Variants in XPNPEP3 observed in about 807,000 individuals in gnomAD.
XPNPEP3 encodes X-prolyl aminopeptidase 3.
Under a neutral mutation model 60.0 loss-of-function variants are expected in XPNPEP3, and 41 were observed. The observed-to-expected ratio is 0.68, with a 90% CI of 0.53 to 0.89. XPNPEP3 has a LOEUF of 0.89. XPNPEP3 is among the 40% of genes least tolerant of loss of function. The pLI is 0.00. For missense variants in XPNPEP3, 598 were observed against 638.9 expected (o/e 0.94, Z 0.69); for synonymous variants, 212 against 223.2 (o/e 0.95, Z 0.45).
At chr22:40,862,066 G>C (rs2057953437) in intron 1 of XPNPEP3, 1 of 1,524,106 alleles carries the variant, frequency 6.6e-7, no homozygotes, top group Non-Finnish European at 8.7e-7. Context: ...AGGCTCTGCT[G>C]GTGGTGGTGA....
At chr22:40,922,575 C>G (rs1360526424) in intron 8 of XPNPEP3, 62 bp downstream of exon 8, 3 of 1,564,398 alleles carry the variant, frequency 1.9e-6, no homozygotes, top group Admixed American at 3.4e-5. Context: ...GGTTTTTACC[C>G]TATATAAAGC....
intron 6 of XPNPEP3, 148 bp downstream of exon 6, chr22:40,909,383 A>G: frequency 1.4e-6 from 1 of 710,934 alleles, no homozygotes; most frequent in South Asian, 1.6e-5. Context: ...TTTTACAGAC[A>G]TTATCTCATT....
intron 4 of XPNPEP3, among the ~76,000 whole-genome samples, chr22:40,898,133 T>A (rs894605975): frequency 5.9e-5 from 9 of 151,266 alleles, no homozygotes; most frequent in African/African-American, 2.2e-4. Context: ...TGGTGTCATA[T>A]CCAAGAAAAT....
chr22:40,908,000 G>A (rs989680799), intron 5 of XPNPEP3, among the ~76,000 whole-genome samples: 1 of 152,142 alleles, frequency 6.6e-6, no homozygotes, highest in Non-Finnish European at 1.5e-5. Context: ...GATCACTTCA[G>A]GCCAGGAGTT....
At position 40,922,272 on chromosome 22, in the gene XPNPEP3, A is replaced by G. The variant is rs1337814295; in HGVS notation, c.1056-61A>G. Reference sequence around the variant, plus strand: ...TGGGGTTTTTCTAATCAAACTTAGTAGCAAACTTCTTAGAATATCAGATTA... The same window carrying G: ...TGGGGTTTTTCTAATCAAACTTAGTGGCAAACTTCTTAGAATATCAGATTA... On this transcript the variant is annotated intron_variant, in intron 7 of 9. Coordinates refer to ENST00000357137, the MANE Select transcript of XPNPEP3 (RefSeq NM_022098.4). 3 of 1,599,952 alleles carry G rather than the reference A, an allele frequency of 1.9e-6. No homozygotes were observed. The South Asian group carries it at 3.3e-5, about 18-fold the overall frequency.
chr22:40,892,756 C>A (rs144816493), intron 4 of XPNPEP3, among the ~76,000 whole-genome samples: 1 of 152,144 alleles, frequency 6.6e-6, no homozygotes, highest in African/African-American at 2.4e-5. Context: ...TAAATAGACT[C>A]ATTTCAATGT....
intron 4 of XPNPEP3, among the ~76,000 whole-genome samples, chr22:40,893,103 T>A (rs1310875285): frequency 1.4e-5 from 2 of 142,714 alleles, no homozygotes; most frequent in African/African-American, 2.5e-5. Context: ...AGTTTATATA[T>A]AAATATATAT....
At chr22:40,903,829 C>T (rs1372061841) in intron 4 of XPNPEP3, among the ~76,000 whole-genome samples, 3 of 150,370 alleles carry the variant, frequency 2.0e-5, no homozygotes, top group Non-Finnish European at 3.0e-5. Context: ...AAGAAAAGAT[C>T]CATGGGACAA....
chr22:40,857,883 A>G (rs549175318), intron 1 of XPNPEP3, among the ~76,000 whole-genome samples: 1 of 152,326 alleles, frequency 6.6e-6, no homozygotes, highest in African/African-American at 2.4e-5. Flanking sequence ...TATATGAACA[A>G]TGTGTGAACC....
chr22:40,877,823 A>G (rs1601496326), intron 2 of XPNPEP3, among the ~76,000 whole-genome samples: 1 of 152,242 alleles, frequency 6.6e-6, no homozygotes, highest in South Asian at 2.1e-4. Context: ...AGGCCATAAC[A>G]CCTTCCAAGT....
intron 2 of XPNPEP3, among the ~76,000 whole-genome samples, chr22:40,871,454 A>G (rs2058005262): frequency 1.3e-5 from 2 of 152,212 alleles, no homozygotes; most frequent in African/African-American, 4.8e-5. Context: ...TGTTTTGCAT[A>G]TTTCTCTAAT....
intron 8 of XPNPEP3, among the ~76,000 whole-genome samples, chr22:40,923,903 C>G (rs2058225437): frequency 6.6e-6 from 1 of 152,054 alleles, no homozygotes. Context: ...AGTGTGCCTT[C>G]TCCACAAGTT....
intron 1 of XPNPEP3, chr22:40,862,253 G>C: frequency 8.4e-7 from 1 of 1,187,774 alleles, no homozygotes; most frequent in Non-Finnish European, 1.0e-6. Context: ...AATAGAGCTA[G>C]TCCAGAGTCG....
intron 1 of XPNPEP3, chr22:40,862,369 A>T: frequency 1.0e-6 from 1 of 1,004,220 alleles, no homozygotes; most frequent in Non-Finnish European, 1.2e-6. Context: ...TAGCCACAGC[A>T]TATCCCTTGC....
At chr22:40,916,585 A>G (rs1328706690) in intron 7 of XPNPEP3, among the ~76,000 whole-genome samples, 1 of 152,186 alleles carries the variant, frequency 6.6e-6, no homozygotes, top group Non-Finnish European at 1.5e-5. Flanking sequence ...TAATTCACAA[A>G]CATTCAGTCT....
intron 4 of XPNPEP3, among the ~76,000 whole-genome samples, chr22:40,900,218 A>G (rs2058126335): frequency 6.6e-6 from 1 of 152,166 alleles, no homozygotes; most frequent in South Asian, 2.1e-4. Flanking sequence ...ACAGGCAACA[A>G]AAGAAAAAGT....
At chr22:40,887,995 A>G (rs1454465088) in intron 4 of XPNPEP3, among the ~76,000 whole-genome samples, 1 of 152,194 alleles carries the variant, frequency 6.6e-6, no homozygotes, top group Non-Finnish European at 1.5e-5. Flanking sequence ...TAAGTATGCA[A>G]ATCAATGACA....
intron 2 of XPNPEP3, among the ~76,000 whole-genome samples, chr22:40,875,427 A>ATG (rs1362395276): frequency 6.6e-6 from 1 of 152,196 alleles, no homozygotes; most frequent in African/African-American, 2.4e-5. Flanking sequence ...TAGTGATTAA[A>ATG]TGTTTCCTCT....
In XPNPEP3 at chr22:40,881,902, A is replaced by G. The variant is rs754673012; in HGVS notation, c.314A>G (p.Tyr105Cys). ...GTGGTTGTGCTCTCCAACCCTACAT[A>G]CTACATGAGCAACGATATTCCCTAT... ...QTVVVLSNPT[Y>C]YMSNDIPYTF... Residue 105 changes from tyrosine (Y) to cysteine (C), a missense_variant, in exon 3 of 10, where the codon TAC (tyrosine) becomes TGC (cysteine). Physicochemically the swap from Tyr to Cys is radical, Grantham distance 194. Transcript: ENST00000357137. 6.2e-7 allele frequency: 1 copy of G among 1,614,144 alleles called. No individual in the cohort carries two copies. Among genetic ancestry groups the G allele is most frequent in the Non-Finnish European group, 8.5e-7 (1 of 1,180,026 alleles).
Sources: gnomAD v4.1 joint callset for allele counts (sites outside exome capture counted in the v4.1 genomes callset) on GRCh38, gnomAD v4.1.1 for gene constraint, MANE v1.5 for transcripts, NCBI Gene and HGNC (gene_info 2026-07-23, HGNC 2026-07-21) for gene names.